The following MIER1 variants were observed in gnomAD, a reference collection of about 807,000 sequenced individuals.
MIER1 encodes mesoderm induction early response protein 1.
Under a neutral mutation model 75.7 loss-of-function variants are expected in MIER1, and 40 were observed. That is an observed-to-expected ratio of 0.53 (90% CI 0.41 to 0.69). The LOEUF is 0.69. Among genes scored for constraint, MIER1 ranks in the 30% least tolerant of loss-of-function variants. MIER1 has a pLI of 0.00. For synonymous variants in MIER1, 213 were observed against 223.4 expected (o/e 0.95, Z 0.42); for missense variants, 574 against 680.2 (o/e 0.84, Z 1.74).
At chr1:66,948,117 T>G in intron 4 of MIER1, 3 of 904,518 alleles carry the variant, frequency 3.3e-6, no homozygotes, top group Non-Finnish European at 4.0e-6. Flanking sequence ...TTTGAGAAGA[T>G]GAAATAAAAT....
intron 2 of MIER1, among the ~76,000 whole-genome samples, chr1:66,928,217 A>G (rs552918483): frequency 1.3e-5 from 2 of 152,212 alleles, no homozygotes; most frequent in South Asian, 4.1e-4. Context: ...ATATTAATAA[A>G]CTTAAAGAGT....
At chr1:66,925,397 C>G (rs1335673481) in intron 1 of MIER1, 6 of 985,350 alleles carry the variant, frequency 6.1e-6, no homozygotes, top group African/African-American at 1.7e-5. Flanking sequence ...TTCGCCTCGC[C>G]CCGTTCGCTT....
At chr1:66,963,056 C>T in intron 7 of MIER1, 32 bp from the exon 8 acceptor site, 3 of 1,415,382 alleles carry the variant, frequency 2.1e-6, no homozygotes, top group Non-Finnish European at 3.0e-6. Flanking sequence ...GTTACTAGAT[C>T]TTACTAATGT....
chr1:66,950,143 C>G (rs1658586172), intron 4 of MIER1, among the ~76,000 whole-genome samples: 1 of 152,194 alleles, frequency 6.6e-6, no homozygotes, highest in African/African-American at 2.4e-5. Context: ...GAGTCTCACT[C>G]TGTTGCCCAG....
chr1:66,978,170 T>C (rs953181457), intron 12 of MIER1, among the ~76,000 whole-genome samples: 1 of 145,998 alleles, frequency 6.8e-6, no homozygotes, highest in Non-Finnish European at 1.5e-5. Context: ...CACTCCAGCC[T>C]GGGCAACAGA....
chr1:66,979,636 AATATTCT>A (rs1665494888), intron 12 of MIER1, among the ~76,000 whole-genome samples: 3 of 152,296 alleles, frequency 2.0e-5, no homozygotes, highest in African/African-American at 7.2e-5. Flanking sequence ...CCCTTTCCTG[AATATTCT>A]GGATGCTATT....
rs1373688688 is a variant in MIER1 at position 66,946,220 on chromosome 1, T to C, written c.264T>C (p.Asp88=). The change falls in exon 4 of 14, where the codon GAT becomes GAC. Residue 88 remains aspartate, a synonymous_variant. Coordinates refer to ENST00000401041, the MANE Select transcript of MIER1 (RefSeq NM_001077700.3). The stretch of plus-strand genomic sequence containing the variant: ...ACATGCTGGTTCATGATTTTGATGA[T>C]GAACGAACATTAGAAGAGGAAGAAA... ...SADMLVHDFD[D]ERTLEEEEMM... 6.2e-7 allele frequency: 1 copy of C among 1,612,054 alleles called. No homozygotes were observed. The highest frequency in any genetic ancestry group is 8.5e-7 in the Non-Finnish European group (1 of 1,179,602).
Position 66,986,423 on chromosome 1 carries a change from C to G in MIER1, c.*1523C>G, listed in dbSNP as rs757514946. ...CACAGGCATACTCCAAATGCTTCTT[C>G]CAGTTCATTTTTCAGCCATCAGTTC... On this transcript the variant is annotated 3_prime_UTR_variant, in exon 14 of 14. Transcript: ENST00000401041. 15 of 1,613,116 alleles carry G rather than the reference C, an allele frequency of 9.3e-6. No individual in the cohort carries two copies. Among genetic ancestry groups the G allele is most frequent in the Non-Finnish European group, 1.3e-5 (15 of 1,179,420 alleles).
Position 66,981,847 on chromosome 1 carries a change from C to G in MIER1, c.1298C>G (p.Pro433Arg), listed in dbSNP as rs1405778624. The G allele has an allele frequency of 6.2e-7, 1 of 1,613,986 alleles. No individual in the cohort carries two copies. Among genetic ancestry groups the G allele is most frequent in the Non-Finnish European group, 8.5e-7 (1 of 1,179,886 alleles). ...TCTAGTCGAGCACCATCCCCTCCCCCAACTGCATCAAACAGTAGTAACAGC... is the reference window on the plus strand; with the variant it reads ...TCTAGTCGAGCACCATCCCCTCCCCGAACTGCATCAAACAGTAGTAACAGC... ...AASSRAPSPP[P>R]TASNSSNSQS... Residue 433 changes from proline to arginine, a missense_variant, in exon 13 of 14, where the codon CCA becomes CGA. Coordinates refer to ENST00000401041, the MANE Select transcript of MIER1 (RefSeq NM_001077700.3).
rs745902850 is a variant in MIER1 at position 66,984,817 on chromosome 1, A to G, written c.1615A>G (p.Lys539Glu). ...AKRRRVNSNG[K>E]ESPGSSEFFQ... ...AAGGCGAAGGGTAAACAGCAATGGA[A>G]AAGAAAGTCCAGGTTCTTCTGAATT... The change falls in exon 14 of 14, where the codon AAA becomes GAA. Residue 539 changes from lysine (K) to glutamate (E), a missense_variant. By Grantham distance (56) the Lys-to-Glu change is moderately conservative. Transcript: ENST00000401041. 3 of 1,613,496 alleles carry G rather than the reference A, an allele frequency of 1.9e-6. No homozygotes were observed. The highest frequency in any genetic ancestry group is 2.2e-5 in the East Asian group (1 of 44,850).
intron 8 of MIER1, among the ~76,000 whole-genome samples, chr1:66,964,992 A>G (rs1282428604): frequency 6.6e-6 from 1 of 152,186 alleles, no homozygotes; most frequent in Non-Finnish European, 1.5e-5. Context: ...AGTCAAGGGA[A>G]CATCACAGGC....
intron 12 of MIER1, among the ~76,000 whole-genome samples, chr1:66,977,482 C>T (rs149593822): frequency 7.2e-5 from 11 of 152,220 alleles, no homozygotes; most frequent in South Asian, 2.1e-4. Context: ...TGAATCTTTC[C>T]TCTAACAAGT....
At position 66,958,924 on chromosome 1, in the gene MIER1, T is replaced by C. The variant is rs1660699091; in HGVS notation, c.575T>C (p.Val192Ala). Residue 192 changes from valine (V) to alanine (A), a missense_variant, in exon 6 of 14, where the codon GTT becomes GCT. By Grantham distance (64) the Val-to-Ala change is moderately conservative (BLOSUM62 0). Coordinates refer to ENST00000401041, the MANE Select transcript of MIER1 (RefSeq NM_001077700.3). ...QSSNDDPSQS[V>A]ASQDAQEIIR... Reference sequence around the variant, plus strand: ...TCCAATGATGATCCATCACAATCTGTTGCTTCTCAAGATGCCCAGGAAATA... The same window carrying C: ...TCCAATGATGATCCATCACAATCTGCTGCTTCTCAAGATGCCCAGGAAATA... 1 of 1,612,902 alleles carries C rather than the reference T, an allele frequency of 6.2e-7. No homozygotes were observed. The highest frequency in any genetic ancestry group is 2.2e-5 in the East Asian group (1 of 44,836).
intron 8 of MIER1, among the ~76,000 whole-genome samples, chr1:66,968,748 A>AC (rs1662939627): frequency 6.6e-6 from 1 of 152,184 alleles, no homozygotes; most frequent in Non-Finnish European, 1.5e-5. Flanking sequence ...CTCCTGAGCT[A>AC]CCCTTAACTT....
intron 7 of MIER1, among the ~76,000 whole-genome samples, chr1:66,960,583 T>A (rs1166283880): frequency 1.3e-5 from 2 of 152,076 alleles, no homozygotes; most frequent in Admixed American, 1.3e-4. Flanking sequence ...GAGGCTGAGG[T>A]AGGGAGAATC....
In MIER1 at chr1:66,984,642, T is replaced by C. The variant is rs760717847; in HGVS notation, c.1440T>C (p.Asn480=). The C allele has an allele frequency of 1.9e-6, 3 of 1,613,838 alleles. No individual in the cohort carries two copies. Among genetic ancestry groups the C allele is most frequent in the East Asian group, 2.2e-5 (1 of 44,846 alleles). ...EEVKVEGLHI[N]GPTGGNKKPL... ...TAAAAGTTGAAGGGTTACACATTAATGGACCAACAGGTGGAAATAAGAAAC... is the reference window on the plus strand; with the variant it reads ...TAAAAGTTGAAGGGTTACACATTAACGGACCAACAGGTGGAAATAAGAAAC... The change falls in exon 14 of 14, where the codon AAT becomes AAC. Residue 480 remains asparagine (N), a synonymous_variant. Coordinates refer to ENST00000401041, the MANE Select transcript of MIER1 (RefSeq NM_001077700.3).
chr1:66,959,215 T>C (rs1297261654), intron 6 of MIER1, among the ~76,000 whole-genome samples: 1 of 152,178 alleles, frequency 6.6e-6, no homozygotes, highest in Non-Finnish European at 1.5e-5. Context: ...TTGTTTTTTC[T>C]TTGCCCTGTT....
At chr1:66,941,442 C>T (rs1221841309) in intron 3 of MIER1, among the ~76,000 whole-genome samples, 3 of 151,332 alleles carry the variant, frequency 2.0e-5, no homozygotes, top group Middle Eastern at 3.4e-3. Flanking sequence ...TTTTTTCAAA[C>T]GCAGAAATTG....
intron 8 of MIER1, among the ~76,000 whole-genome samples, chr1:66,965,510 T>C (rs1352732380): frequency 6.6e-6 from 1 of 152,140 alleles, no homozygotes; most frequent in Non-Finnish European, 1.5e-5. Context: ...TTATTTATGC[T>C]TAGTTTTAAT....
Sources: allele counts gnomAD v4.1 joint callset (sites outside exome capture counted in the v4.1 genomes callset), GRCh38; gene constraint gnomAD v4.1.1; transcripts MANE v1.5; gene names NCBI Gene and HGNC (gene_info 2026-07-23, HGNC 2026-07-21).